The following DENND1B variants were observed in gnomAD, a reference collection of about 807,000 sequenced individuals.
The protein encoded by DENND1B is DENN domain containing 1B.
DENND1B carries 59 observed loss-of-function variants against 90.1 expected under a neutral mutation model. The observed-to-expected ratio is 0.65, with a 90% CI of 0.53 to 0.81. The LOEUF is 0.81. Ranked by LOEUF, DENND1B falls within the 40% of genes least tolerant of loss-of-function variation. The pLI, the probability that DENND1B is intolerant of heterozygous loss-of-function variation, is 0.00. For synonymous variants in DENND1B, 337 were observed against 324.6 expected (o/e 1.04, Z -0.41); for missense variants, 862 against 912.6 (o/e 0.94, Z 0.71).
At chr1:197,728,331 TG>T (rs1661838467) in intron 2 of DENND1B, among the ~76,000 whole-genome samples, 1 of 152,218 alleles carries the variant, frequency 6.6e-6, no homozygotes, top group African/African-American at 2.4e-5. Flanking sequence ...TGTTTTAAAC[TG>T]GACTAAAAAC....
intron 10 of DENND1B, among the ~76,000 whole-genome samples, chr1:197,623,357 A>C (rs1437215185): frequency 6.6e-6 from 1 of 151,474 alleles, no homozygotes; most frequent in African/African-American, 2.4e-5. Context: ...AGTGGAAACC[A>C]TAAAGAAAAA....
chr1:197,529,254 GTGTGTGTGTGTGTGTATA>G (rs1342793956), intron 20 of DENND1B, among the ~76,000 whole-genome samples: 19 of 13,402 alleles, frequency 1.4e-3, no homozygotes, highest in East Asian at 9.7e-3. Flanking sequence ...GTGTGTGTGT[GTGTGTGTGTGTGTGTATA>G]TGTATATATG....
chr1:197,647,044 T>C lies in DENND1B; in HGVS notation c.507+11A>G. Reference sequence around the variant, plus strand: ...TAGTGATTTTTAGAAGCCAATGTCCTTTTAACTCACCGGTACTAGAGCAGG... The same window carrying C: ...TAGTGATTTTTAGAAGCCAATGTCCCTTTAACTCACCGGTACTAGAGCAGG... On this transcript the variant is annotated intron_variant, in intron 8 of 22. Transcript: ENST00000620048. 1 of 1,465,448 alleles carries C rather than the reference T, an allele frequency of 6.8e-7. No individual in the cohort carries two copies. The highest frequency in any genetic ancestry group is 9.0e-7 in the Non-Finnish European group (1 of 1,116,338). 90.8% of individuals were successfully genotyped at this position (1,465,448 alleles called of 1,614,324 possible). A position where few individuals can be genotyped will look rare whatever the true frequency, so the allele number is the denominator to read the frequency against.
chr1:197,629,519 G>T (rs1360515478), intron 10 of DENND1B, among the ~76,000 whole-genome samples: 4 of 120,284 alleles, frequency 3.3e-5, no homozygotes, highest in Admixed American at 2.1e-4. Flanking sequence ...ACACTCTGGG[G>T]ACTGTTGTGG....
chr1:197,678,256 CATA>C (rs1446699714), intron 3 of DENND1B, among the ~76,000 whole-genome samples: 3 of 152,182 alleles, frequency 2.0e-5, no homozygotes, highest in Admixed American at 6.5e-5. Flanking sequence ...TAAGAATCCT[CATA>C]ATGATATTAA....
chr1:197,592,800 A>G (rs1023498657), intron 14 of DENND1B, among the ~76,000 whole-genome samples: 1 of 152,192 alleles, frequency 6.6e-6, no homozygotes, highest in African/African-American at 2.4e-5. Context: ...CTACAGGTTT[A>G]GTTTTGTTAA....
intron 5 of DENND1B, among the ~76,000 whole-genome samples, chr1:197,666,858 G>GTGAA (rs1161812774): frequency 2.0e-5 from 3 of 152,114 alleles, no homozygotes; most frequent in Admixed American, 6.6e-5. Context: ...TGGTTACATA[G>GTGAA]TGAAATAAGG....
At chr1:197,524,288 T>A (rs1007870530) in intron 20 of DENND1B, among the ~76,000 whole-genome samples, 4 of 152,182 alleles carry the variant, frequency 2.6e-5, no homozygotes, top group African/African-American at 9.7e-5. Context: ...TACTAATATT[T>A]ATGAAACTTC....
rs574052131 is a variant in DENND1B, at chr1:197,729,227, T to A, written c.83-14153A>T. 5.3e-5 allele frequency among the ~76,000 whole-genome samples: 8 copies of A among 152,304 alleles called. No homozygotes were observed. In the South Asian group the frequency reaches 1.5e-3, roughly 28 times the overall value. On this transcript the variant is annotated intron_variant, in intron 2 of 22. Transcript: ENST00000620048. Reference sequence around the variant, plus strand: ...TAAACAAAGCTCCTAAAAGCCAGAATCATGTTTCAAATTTTAATGTACACT... The same window carrying A: ...TAAACAAAGCTCCTAAAAGCCAGAAACATGTTTCAAATTTTAATGTACACT...
chr1:197,743,675 C>T (rs563735567), intron 2 of DENND1B, among the ~76,000 whole-genome samples: 1 of 152,304 alleles, frequency 6.6e-6, no homozygotes, highest in African/African-American at 2.4e-5. Context: ...CACAGTAGAA[C>T]ATCTTTCAAA....
intron 2 of DENND1B, among the ~76,000 whole-genome samples, chr1:197,753,936 G>T (rs1653916673): frequency 6.6e-6 from 1 of 151,936 alleles, no homozygotes; most frequent in Non-Finnish European, 1.5e-5. Context: ...GGAGGCGGAG[G>T]TTGCAGTGAG....
intron 2 of DENND1B, among the ~76,000 whole-genome samples, chr1:197,733,519 T>A (rs1230329094): frequency 2.0e-5 from 3 of 152,228 alleles, no homozygotes; most frequent in Non-Finnish European, 4.4e-5. Context: ...TTTCACAGTG[T>A]GCAGCAGTCG....
chr1:197,650,396 A>G (rs1472890246), intron 7 of DENND1B, among the ~76,000 whole-genome samples: 1 of 152,160 alleles, frequency 6.6e-6, no homozygotes, highest in East Asian at 1.9e-4. Flanking sequence ...GTGATCAAAG[A>G]ACACTTCTAC....
chr1:197,729,773 G>A (rs951608681), intron 2 of DENND1B, among the ~76,000 whole-genome samples: 9 of 152,190 alleles, frequency 5.9e-5, no homozygotes, highest in Middle Eastern at 3.4e-3. Flanking sequence ...CACTGAGGTC[G>A]TCAAAGAACT....
intron 2 of DENND1B, among the ~76,000 whole-genome samples, chr1:197,746,087 C>T (rs542423532): frequency 6.0e-4 from 91 of 152,138 alleles, no homozygotes; most frequent in Non-Finnish European, 1.1e-3. Context: ...TGTAGTTACA[C>T]TGGATACAGA....
At chr1:197,759,278 T>G (rs1247139398) in intron 2 of DENND1B, among the ~76,000 whole-genome samples, 1 of 151,508 alleles carries the variant, frequency 6.6e-6, no homozygotes, top group Non-Finnish European at 1.5e-5. Flanking sequence ...CTTAAATACT[T>G]CTTTAAAAAA....
At chr1:197,721,253 G>T (rs188313092) in intron 2 of DENND1B, among the ~76,000 whole-genome samples, 1 of 151,676 alleles carries the variant, frequency 6.6e-6, no homozygotes, top group African/African-American at 2.4e-5. Context: ...TTTATTTTTA[G>T]TAGAGACAGG....
chr1:197,596,153 C>T lies in DENND1B; in HGVS notation c.922-820G>A, dbSNP rs144116336. Among the ~76,000 whole-genome samples the T allele has an allele frequency of 5.9e-3, 898 of 152,040 alleles. 13 individuals carry two copies. Among genetic ancestry groups the T allele is most frequent in the African/African-American group, 0.02 (840 of 41,496 alleles). ...ATGTTTCAAATCAAAGAAAAACTTA[C>T]CTAAAAATGTGCATAATTTTAAAAG... On this transcript the variant is annotated intron_variant, in intron 13 of 22. Transcript: ENST00000620048.
At chr1:197,699,984 T>C (rs1658857428) in intron 3 of DENND1B, among the ~76,000 whole-genome samples, 1 of 152,136 alleles carries the variant, frequency 6.6e-6, no homozygotes, top group South Asian at 2.1e-4. Context: ...CGGAAAAGCA[T>C]TCCATCCTCA....
Sources: gnomAD v4.1 joint callset for allele counts (sites outside exome capture counted in the v4.1 genomes callset) on GRCh38, gnomAD v4.1.1 for gene constraint, MANE v1.5 for transcripts, NCBI Gene and HGNC (gene_info 2026-07-23, HGNC 2026-07-21) for gene names.